The following CSMD1 variants were observed in gnomAD, a reference collection of about 807,000 sequenced individuals.
CSMD1 encodes the protein CUB and sushi domain-containing protein 1.
CSMD1 carries 213 observed loss-of-function variants against 417.5 expected under a neutral mutation model. That is an observed-to-expected ratio of 0.51 (90% CI 0.46 to 0.57). The LOEUF (loss-of-function observed/expected upper bound fraction) is 0.57, where lower values mean the gene tolerates loss of function less well. Ranked by LOEUF, CSMD1 falls within the 20% of genes least tolerant of loss-of-function variation. The pLI, the probability that CSMD1 is intolerant of heterozygous loss-of-function variation, is 0.00. For synonymous variants in CSMD1, 2,862 were observed against 1,736.8 expected (o/e 1.65, Z -16.11); for missense variants, 6,923 against 4,529.7 (o/e 1.53, Z -15.17).
chr8:3,174,080 G>A (rs1322316447), intron 37 of CSMD1, among the ~76,000 whole-genome samples: 5 of 152,156 alleles, frequency 3.3e-5, no homozygotes, highest in Non-Finnish European at 7.3e-5. Context: ...GTATTTTAAT[G>A]GCACATTCAT....
chr8:4,150,380 G>C (rs940112438), intron 3 of CSMD1, among the ~76,000 whole-genome samples: 1 of 152,156 alleles, frequency 6.6e-6, no homozygotes, highest in Non-Finnish European at 1.5e-5. Flanking sequence ...TTTTGTGCCT[G>C]GCTACCTTTG....
chr8:3,534,468 A>T (rs540721799), intron 10 of CSMD1, among the ~76,000 whole-genome samples: 49 of 144,264 alleles, frequency 3.4e-4, no homozygotes, highest in African/African-American at 1.2e-3. Context: ...CACTTATGAC[A>T]CCCTCTCTCA....
intron 3 of CSMD1, among the ~76,000 whole-genome samples, chr8:4,249,610 A>T (rs1447773292): frequency 6.6e-6 from 1 of 152,118 alleles, no homozygotes; most frequent in East Asian, 1.9e-4. Flanking sequence ...GGTGTTAAGA[A>T]ATGTTTTCTC....
intron 3 of CSMD1, among the ~76,000 whole-genome samples, chr8:4,054,247 C>T (rs1222666578): frequency 2.1e-4 from 32 of 151,388 alleles, no homozygotes; most frequent in Non-Finnish European, 4.0e-4. Flanking sequence ...GGACAAATGA[C>T]GACTTTGAGA....
At chr8:3,485,793 A>G (rs996661480) in intron 11 of CSMD1, among the ~76,000 whole-genome samples, 2 of 148,364 alleles carry the variant, frequency 1.3e-5, no homozygotes, top group Non-Finnish European at 3.0e-5. Context: ...AAAATAAAAT[A>G]AAATAAAATA....
chr8:4,086,622 G>A (rs555619032), intron 3 of CSMD1, among the ~76,000 whole-genome samples: 3 of 152,240 alleles, frequency 2.0e-5, no homozygotes, highest in East Asian at 1.9e-4. Context: ...ATGCAGACGC[G>A]AGACTTTTCT....
intron 1 of CSMD1, among the ~76,000 whole-genome samples, chr8:4,914,659 C>A (rs1019043126): frequency 6.6e-6 from 1 of 151,660 alleles, no homozygotes; most frequent in Admixed American, 6.6e-5. Context: ...GTAGCAGATC[C>A]TCTGTTTGGA....
intron 12 of CSMD1, among the ~76,000 whole-genome samples, chr8:3,441,510 T>TATATATATATATATATATATATAC (rs1369666489): frequency 1.4e-5 from 2 of 147,046 alleles, no homozygotes; most frequent in African/African-American, 5.0e-5. Context: ...TATATATATA[T>TATATATATATATATATATATATAC]ACACACACAC....
chr8:3,508,398 C>G (rs1416111752), intron 10 of CSMD1, among the ~76,000 whole-genome samples: 1 of 151,690 alleles, frequency 6.6e-6, no homozygotes, highest in East Asian at 1.9e-4. Context: ...AGGAGATATA[C>G]CTAATGTAAG....
chr8:4,962,400 A>G lies in CSMD1; in HGVS notation c.85+31932T>C, dbSNP rs1809560640. Among the ~76,000 whole-genome samples, 3 of 151,916 alleles carry G rather than the reference A, an allele frequency of 2.0e-5. No homozygotes were observed. The South Asian group carries it at 6.2e-4, about 32-fold the overall frequency. On this transcript the variant is annotated intron_variant, in intron 1 of 69. Transcript: ENST00000635120. ...TAATTTTATAATTTTGTGTAGAGAC[A>G]GGGTCTTTCTATGTCGCCAAAGCTG...
chr8:3,996,041 G>C (rs986145555), intron 5 of CSMD1, among the ~76,000 whole-genome samples: 2 of 152,178 alleles, frequency 1.3e-5, no homozygotes, highest in Non-Finnish European at 2.9e-5. Flanking sequence ...TTGCCATAAA[G>C]TGCTACAATG....
chr8:3,695,570 A>T (rs1800505307), intron 7 of CSMD1, among the ~76,000 whole-genome samples: 1 of 152,220 alleles, frequency 6.6e-6, no homozygotes, highest in Non-Finnish European at 1.5e-5. Context: ...TAAAAGAATA[A>T]TATTATTTTG....
rs73661605 is a variant in CSMD1, at chr8:3,639,809, G to A, written c.1010-23012C>T. 8.6e-3 allele frequency among the ~76,000 whole-genome samples: 1,300 copies of A among 152,026 alleles called. 16 individuals are homozygous for A. The highest frequency in any genetic ancestry group is 0.03 in the African/African-American group (1,242 of 41,462). On this transcript the variant is annotated intron_variant, in intron 7 of 69. Transcript: ENST00000635120. ...AACTACTCATCCTATTTTGGTTCAGGGCAATGGACCTAAAGCAAAAATCTA... is the reference window on the plus strand; with the variant it reads ...AACTACTCATCCTATTTTGGTTCAGAGCAATGGACCTAAAGCAAAAATCTA...
intron 5 of CSMD1, among the ~76,000 whole-genome samples, chr8:3,800,313 C>T (rs568779231): frequency 6.6e-6 from 1 of 152,222 alleles, no homozygotes; most frequent in Admixed American, 6.6e-5. Flanking sequence ...GGGCAAATCA[C>T]ATACCTTAAT....
chr8:3,838,496 G>C (rs536295096), intron 5 of CSMD1, among the ~76,000 whole-genome samples: 3 of 132,738 alleles, frequency 2.3e-5, no homozygotes, highest in Admixed American at 1.6e-4. Context: ...TAGATATATA[G>C]CCTAGGCTAT....
chr8:4,666,723 G>C (rs577277382), intron 1 of CSMD1, among the ~76,000 whole-genome samples: 13 of 152,222 alleles, frequency 8.5e-5, no homozygotes, highest in Admixed American at 2.0e-4. Context: ...TTCTTACTGA[G>C]ATTTGAGAGT....
At chr8:3,362,719 G>C (rs150752418) in intron 20 of CSMD1, among the ~76,000 whole-genome samples, 2 of 152,116 alleles carry the variant, frequency 1.3e-5, no homozygotes, top group African/African-American at 4.8e-5. Context: ...TGCTTCCAGT[G>C]GTTTTCACGT....
At chr8:3,324,527 G>A (rs887313602) in intron 23 of CSMD1, among the ~76,000 whole-genome samples, 1 of 144,184 alleles carries the variant, frequency 6.9e-6, no homozygotes, top group African/African-American at 2.6e-5. Flanking sequence ...AGGAGGGGGA[G>A]TTTCTTCCCC....
At chr8:3,681,440 T>G (rs556274458) in intron 7 of CSMD1, among the ~76,000 whole-genome samples, 2 of 152,068 alleles carry the variant, frequency 1.3e-5, no homozygotes, top group African/African-American at 4.8e-5. Flanking sequence ...CCATTGACAA[T>G]TGTTTCAAAG....
Sources: gnomAD v4.1 joint callset for allele counts (sites outside exome capture counted in the v4.1 genomes callset) on GRCh38, gnomAD v4.1.1 for gene constraint, MANE v1.5 for transcripts, NCBI Gene and HGNC (gene_info 2026-07-23, HGNC 2026-07-21) for gene names.